The following SGCD variants were observed in gnomAD, a reference collection of about 807,000 sequenced individuals.
SGCD encodes the protein delta-sarcoglycan.
Under a neutral mutation model 36.6 loss-of-function variants are expected in SGCD, and 18 were observed. The observed-to-expected ratio is 0.49, with a 90% CI of 0.34 to 0.73. The LOEUF is 0.73. Among genes scored for constraint, SGCD ranks in the 30% least tolerant of loss-of-function variants. SGCD has a pLI of 0.01. For missense variants in SGCD, 387 were observed against 346.7 expected (o/e 1.12, Z -0.92); for synonymous variants, 133 against 130.6 (o/e 1.02, Z -0.12).
At chr5:156,147,025 G>A (rs980271454) in intron 3 of SGCD, among the ~76,000 whole-genome samples, 1 of 152,100 alleles carries the variant, frequency 6.6e-6, no homozygotes, top group Non-Finnish European at 1.5e-5. Context: ...GTACGGCAAA[G>A]GTTTTATTCA....
chr5:156,222,400 C>A (rs746565991), intron 3 of SGCD, among the ~76,000 whole-genome samples: 1 of 152,064 alleles, frequency 6.6e-6, no homozygotes, highest in Non-Finnish European at 1.5e-5. Flanking sequence ...AGTGATTTCA[C>A]AGACTTAAAA....
At chr5:156,105,458 A>C (rs1761622836) in intron 1 of SGCD, among the ~76,000 whole-genome samples, 1 of 152,224 alleles carries the variant, frequency 6.6e-6, no homozygotes, top group South Asian at 2.1e-4. Flanking sequence ...TGCCTTTGTA[A>C]ATTTAACTTT....
chr5:156,100,718 G>A (rs925954471), intron 1 of SGCD, among the ~76,000 whole-genome samples: 3 of 152,184 alleles, frequency 2.0e-5, no homozygotes, highest in African/African-American at 7.2e-5. Context: ...AACCTGTAAT[G>A]GGTGAAGGAA....
chr5:156,068,590 C>A (rs1225318292), intron 1 of SGCD, among the ~76,000 whole-genome samples: 1 of 151,788 alleles, frequency 6.6e-6, no homozygotes, highest in African/African-American at 2.4e-5. Flanking sequence ...CATATGTGTG[C>A]ATGTGCCTTT....
At chr5:155,882,938 A>G (rs531870195) in intron 1 of SGCD, among the ~76,000 whole-genome samples, 4 of 152,320 alleles carry the variant, frequency 2.6e-5, no homozygotes, top group South Asian at 2.1e-4. Context: ...GCTGATTTGT[A>G]TACACTGAAA....
At chr5:156,578,793 A>G (rs1360319370) in intron 4 of SGCD, among the ~76,000 whole-genome samples, 1 of 151,840 alleles carries the variant, frequency 6.6e-6, no homozygotes, top group Non-Finnish European at 1.5e-5. Flanking sequence ...CATCTATTTG[A>G]GTCTTCTCTC....
chr5:156,244,162 C>T (rs1225760450), intron 3 of SGCD, among the ~76,000 whole-genome samples: 2 of 152,116 alleles, frequency 1.3e-5, no homozygotes, highest in Non-Finnish European at 2.9e-5. Flanking sequence ...AAAGATGCAA[C>T]CCTGTCAAAG....
chr5:156,004,331 A>G (rs1441689869), intron 1 of SGCD, among the ~76,000 whole-genome samples: 1 of 152,204 alleles, frequency 6.6e-6, no homozygotes, highest in Non-Finnish European at 1.5e-5. Flanking sequence ...TGCTGCTACT[A>G]CTAGTTGTAG....
chr5:156,335,480 T>C (rs1768301015), intron 2 of SGCD, among the ~76,000 whole-genome samples: 1 of 152,206 alleles, frequency 6.6e-6, no homozygotes, highest in Admixed American at 6.5e-5. Context: ...AAGATTCATG[T>C]CCCGAAGCCC....
the SGCD span, among the ~76,000 whole-genome samples, chr5:155,778,869 C>A: frequency 6.6e-6 from 1 of 152,132 alleles, no homozygotes; most frequent in African/African-American, 2.4e-5. Flanking sequence ...TACTTTATGT[C>A]TTTGGCAATA....
chr5:156,549,307 C>T (rs181477034), intron 4 of SGCD, among the ~76,000 whole-genome samples: 2 of 152,256 alleles, frequency 1.3e-5, no homozygotes, highest in East Asian at 1.9e-4. Context: ...GATGAGCTCA[C>T]GTTGTCAGCC....
At chr5:155,964,978 AC>A (rs1452477904) in intron 1 of SGCD, among the ~76,000 whole-genome samples, 1 of 151,946 alleles carries the variant, frequency 6.6e-6, no homozygotes, top group Non-Finnish European at 1.5e-5. Flanking sequence ...GCATTGTACC[AC>A]CCTTTCTGGC....
intron 4 of SGCD, among the ~76,000 whole-genome samples, chr5:156,539,725 G>A (rs1252011950): frequency 6.6e-6 from 1 of 152,098 alleles, no homozygotes; most frequent in Non-Finnish European, 1.5e-5. Context: ...AAACATGGTT[G>A]TGCGTCTATC....
intron 1 of SGCD, among the ~76,000 whole-genome samples, chr5:156,102,345 C>G (rs1379055702): frequency 6.6e-6 from 1 of 152,020 alleles, no homozygotes; most frequent in Non-Finnish European, 1.5e-5. Flanking sequence ...AATTTGCCCT[C>G]CAGATGCAAA....
rs538610342 is a variant in SGCD at position 155,940,283 on chromosome 5, G to A, written c.-282+69859G>A. Among the ~76,000 whole-genome samples, 13 of 152,082 alleles carry A rather than the reference G, an allele frequency of 8.5e-5. No individual in the cohort carries two copies. In the East Asian group the frequency reaches 2.1e-3, roughly 25 times the overall value. ...CAAGTATCCTATGGCTTCTTTTAGC[G>A]TAAACCAGTGTAACCTTTATGCTTT... On this transcript the variant is annotated intron_variant, in intron 1 of 9. Coordinates refer to the SGCD transcript ENST00000517913.
intron 7 of SGCD, among the ~76,000 whole-genome samples, chr5:156,671,667 C>T (rs1753301036): frequency 6.6e-6 from 1 of 152,152 alleles, no homozygotes; most frequent in African/African-American, 2.4e-5. Flanking sequence ...TAGGTAGAAG[C>T]ATGAGCTGGG....
chr5:155,794,187 A>G, the SGCD span, among the ~76,000 whole-genome samples: 1 of 152,232 alleles, frequency 6.6e-6, no homozygotes, highest in Non-Finnish European at 1.5e-5. Context: ...AAAGCAGATC[A>G]GTCTCTGGTA....
the SGCD span, among the ~76,000 whole-genome samples, chr5:155,772,767 ATTT>A: frequency 6.6e-6 from 1 of 151,796 alleles, no homozygotes; most frequent in Non-Finnish European, 1.5e-5. Flanking sequence ...TACTATTATT[ATTT>A]TTTTTATTTT....
At chr5:155,934,313 CCTGA>C (rs1462257523) in intron 1 of SGCD, among the ~76,000 whole-genome samples, 2 of 152,168 alleles carry the variant, frequency 1.3e-5, no homozygotes, top group African/African-American at 4.8e-5. Context: ...GTGAAAATGG[CCTGA>C]CTTAGTTGGC....
Sources: allele counts gnomAD v4.1 joint callset (sites outside exome capture counted in the v4.1 genomes callset), GRCh38; gene constraint gnomAD v4.1.1; transcripts MANE v1.5; gene names NCBI Gene and HGNC (gene_info 2026-07-23, HGNC 2026-07-21).